RLN2: variants seen among roughly 807,000 people sequenced by gnomAD.
The protein encoded by RLN2 is prorelaxin H2.
A neutral mutation model predicts 7.3 loss-of-function variants in RLN2; 10 were observed. The ratio of observed to expected loss-of-function variants is 1.36; its 90% confidence interval spans 0.84 to 2.31. The LOEUF (loss-of-function observed/expected upper bound fraction) is 2.31. Among genes scored for constraint, RLN2 ranks in the 30% most tolerant of loss-of-function variants. The pLI, the probability that RLN2 is intolerant of heterozygous loss-of-function variation, is 0.00. For synonymous variants in RLN2, 103 were observed against 82.3 expected, an observed-to-expected ratio of 1.25 and a Z score of -1.36; for missense variants, 298 against 217.6, an observed-to-expected ratio of 1.37 and a Z score of -2.32.
the RLN2 span, among the ~76,000 whole-genome samples, chr9:5,328,922 C>A: frequency 6.6e-6 from 1 of 151,992 alleles, no homozygotes; most frequent in Non-Finnish European, 1.5e-5. Flanking sequence ...TACGAGATTT[C>A]CTGAAGGAAG....
chr9:5,337,923 G>T, the RLN2 span, among the ~76,000 whole-genome samples: 2 of 152,104 alleles, frequency 1.3e-5, no homozygotes, highest in South Asian at 2.1e-4. Context: ...TTATGTGGCA[G>T]ATTTATGACA....
At chr9:5,325,640 T>G in the RLN2 span, among the ~76,000 whole-genome samples, 1 of 152,196 alleles carries the variant, frequency 6.6e-6, no homozygotes, top group South Asian at 2.1e-4. Context: ...AGCAGAGCCT[T>G]TCATCTAAAA....
the RLN2 span, among the ~76,000 whole-genome samples, chr9:5,329,445 A>G: frequency 2.6e-5 from 4 of 151,940 alleles, no homozygotes; most frequent in African/African-American, 9.7e-5. Flanking sequence ...TACCCCAACT[A>G]AAAGAGACAG....
the RLN2 span, among the ~76,000 whole-genome samples, chr9:5,314,594 C>T: frequency 9.6e-4 from 146 of 152,096 alleles, 2 homozygotes; most frequent in African/African-American, 3.2e-3. Flanking sequence ...GCTGGGTCAC[C>T]TCACCCTACA....
upstream of RLN2, among the ~76,000 whole-genome samples, chr9:5,308,741 A>G (rs1385763349): frequency 6.6e-6 from 1 of 152,100 alleles, no homozygotes; most frequent in African/African-American, 2.4e-5. Flanking sequence ...CCTGACCACA[A>G]GTTTCCTCCC....
the RLN2 span, among the ~76,000 whole-genome samples, chr9:5,318,307 G>A: frequency 4.6e-5 from 7 of 151,892 alleles, no homozygotes; most frequent in Non-Finnish European, 7.4e-5. Flanking sequence ...CATGAACAAA[G>A]TAACAAGAAA....
At chr9:5,314,214 G>A in the RLN2 span, among the ~76,000 whole-genome samples, 4 of 152,076 alleles carry the variant, frequency 2.6e-5, no homozygotes, top group Non-Finnish European at 4.4e-5. Flanking sequence ...TCTGGGGATA[G>A]GTAGCCACAG....
the RLN2 span, among the ~76,000 whole-genome samples, chr9:5,324,109 AT>A: frequency 6.6e-6 from 1 of 152,030 alleles, no homozygotes; most frequent in East Asian, 1.9e-4. Flanking sequence ...GGTGGTAGTC[AT>A]TTTTATTGTT....
chr9:5,329,380 T>C, the RLN2 span, among the ~76,000 whole-genome samples: 2 of 144,386 alleles, frequency 1.4e-5, no homozygotes, highest in Non-Finnish European at 3.0e-5. Context: ...AACATCATAA[T>C]GATGGGATCA....
At chr9:5,330,431 G>A in the RLN2 span, among the ~76,000 whole-genome samples, 1 of 151,784 alleles carries the variant, frequency 6.6e-6, no homozygotes. Flanking sequence ...GAGGTCAGGA[G>A]ATCGAGACCA....
the RLN2 span, among the ~76,000 whole-genome samples, chr9:5,329,022 G>A: frequency 9.3e-4 from 142 of 152,078 alleles, no homozygotes; most frequent in African/African-American, 2.2e-3. Flanking sequence ...AAACTGCATC[G>A]GCCGGGTGCG....
the RLN2 span, among the ~76,000 whole-genome samples, chr9:5,317,514 C>T: frequency 6.7e-6 from 1 of 149,394 alleles, no homozygotes; most frequent in Non-Finnish European, 1.5e-5. Context: ...ACTGGCCCTA[C>T]TAGATATTAC....
the RLN2 span, chr9:5,335,159 C>A: frequency 1.5e-6 from 1 of 680,498 alleles, no homozygotes; most frequent in South Asian, 2.7e-5. Context: ...TTCTTATATT[C>A]TAATAATTAG....
At chr9:5,331,402 T>C in the RLN2 span, among the ~76,000 whole-genome samples, 26 of 151,948 alleles carry the variant, frequency 1.7e-4, 1 homozygote, top group East Asian at 4.3e-3. Flanking sequence ...CTATTCACAA[T>C]AGCAAAGACC....
chr9:5,300,876 T>C (rs545845861), intron 1 of RLN2, among the ~76,000 whole-genome samples: 1 of 152,314 alleles, frequency 6.6e-6, no homozygotes, highest in South Asian at 2.1e-4. Flanking sequence ...ATAGTAACCC[T>C]TGAAAAAGAT....
the RLN2 span, among the ~76,000 whole-genome samples, chr9:5,318,800 T>G: frequency 6.6e-6 from 1 of 152,052 alleles, no homozygotes; most frequent in Non-Finnish European, 1.5e-5. Flanking sequence ...AATTAAGTAA[T>G]TTATTTCTAA....
rs558982366 is a variant in RLN2, at chr9:5,304,374, C to T, written c.207G>A (p.Val69=). ...GGAGGGGGCGGGAGCTCTCACCTGC[C>T]ACTGGTCTAGGTGTCTGAGGAGCAT... is the stretch of plus-strand genomic sequence containing the variant. ...QEDAPQTPRP[V]AEIVPSFINK... The change falls in exon 1 of 2, where the codon GTG becomes GTA. Residue 69 remains valine (V), a synonymous_variant. Transcript: ENST00000381627. 5.9e-4 allele frequency: 933 copies of T among 1,594,076 alleles called. 25 individuals are homozygous for T. In the South Asian group the frequency reaches 9.8e-3, roughly 17 times the overall value.
chr9:5,307,976 A>G (rs1320912351), upstream of RLN2, among the ~76,000 whole-genome samples: 1 of 151,996 alleles, frequency 6.6e-6, no homozygotes, highest in Non-Finnish European at 1.5e-5. Context: ...TGATCTGTCA[A>G]CAACAGGCAA....
the RLN2 span, among the ~76,000 whole-genome samples, chr9:5,323,875 C>T: frequency 2.0e-5 from 3 of 151,742 alleles, no homozygotes; most frequent in African/African-American, 4.8e-5. Context: ...GGCTAAACTG[C>T]GTGTCTACTA....
Sources: gnomAD v4.1 joint callset for allele counts (sites outside exome capture counted in the v4.1 genomes callset) on GRCh38, gnomAD v4.1.1 for gene constraint, MANE v1.5 for transcripts, NCBI Gene and HGNC (gene_info 2026-07-23, HGNC 2026-07-21) for gene names.